The following AEBP2 variants were observed in gnomAD, a reference collection of about 807,000 sequenced individuals.
The protein encoded by AEBP2 is zinc finger protein AEBP2.
Under a neutral mutation model 50.8 loss-of-function variants are expected in AEBP2, and 10 were observed. That is an observed-to-expected ratio of 0.20 (90% CI 0.12 to 0.33). The LOEUF (loss-of-function observed/expected upper bound fraction) is 0.33, where lower values mean the gene tolerates loss of function less well. AEBP2 is among the 10% of genes least tolerant of loss of function. AEBP2 has a pLI of 1.00. For missense variants in AEBP2, 570 were observed against 688.0 expected (o/e 0.83, Z 1.92); for synonymous variants, 296 against 261.3 (o/e 1.13, Z -1.28).
chr12:19,449,768 A>C (rs1290414861), intron 1 of AEBP2, among the ~76,000 whole-genome samples: 1 of 151,958 alleles, frequency 6.6e-6, no homozygotes, highest in Admixed American at 6.6e-5. Flanking sequence ...CTTCCAGTTA[A>C]TTTTTTTTGA....
At chr12:19,486,572 A>G (rs7962833) in intron 3 of AEBP2, among the ~76,000 whole-genome samples, 11,312 of 151,852 alleles carry the variant, frequency 0.074, 493 homozygotes, top group South Asian at 0.2. Context: ...TTGTAGAGAG[A>G]GGGTTTTGCC....
At chr12:19,446,187 C>T (rs1325054446) in intron 1 of AEBP2, 4 of 152,090 alleles carry the variant, frequency 2.6e-5, no homozygotes, top group Non-Finnish European at 4.4e-5. Context: ...GTCTTAAATA[C>T]TAAGACCCAT....
chr12:19,438,310 T>C (rs1947882243), upstream of AEBP2, among the ~76,000 whole-genome samples: 1 of 152,238 alleles, frequency 6.6e-6, no homozygotes, highest in African/African-American at 2.4e-5. Flanking sequence ...ATGCGATTTT[T>C]GGGCATATAA....
chr12:19,498,165 A>T (rs1240523677), intron 4 of AEBP2, among the ~76,000 whole-genome samples: 1 of 152,182 alleles, frequency 6.6e-6, no homozygotes, highest in Non-Finnish European at 1.5e-5. Flanking sequence ...GTGATGAGTT[A>T]TTATTTTCCC....
chr12:19,464,091 A>G (rs1445169745), intron 2 of AEBP2, among the ~76,000 whole-genome samples: 1 of 152,248 alleles, frequency 6.6e-6, no homozygotes, highest in Non-Finnish European at 1.5e-5. Context: ...GTTAATATGT[A>G]TGATGTCTGA....
intron 7 of AEBP2, among the ~76,000 whole-genome samples, chr12:19,516,471 G>T (rs1016796074): frequency 6.6e-6 from 1 of 152,156 alleles, no homozygotes; most frequent in African/African-American, 2.4e-5. Flanking sequence ...TTCTTTCCAA[G>T]AGTCTTGCTT....
At chr12:19,423,661 A>T (rs2095747015) in intron 1 of AEBP2, among the ~76,000 whole-genome samples, 2 of 152,114 alleles carry the variant, frequency 1.3e-5, no homozygotes, top group Admixed American at 1.3e-4. Flanking sequence ...GAAGGGCCAC[A>T]TAGGCTGAGG....
At position 19,521,130 on chromosome 12, in the gene AEBP2, G is replaced by C. The variant is rs545469289; in HGVS notation, c.*3013G>C. On this transcript the variant is annotated 3_prime_UTR_variant, in exon 8 of 8. Coordinates refer to ENST00000266508, the MANE Select transcript of AEBP2 (RefSeq NM_153207.5). ...AAGCATTTCGGATAAGGGATACTCA[G>C]CCTGTCTCTGGTCCTTTAAGAAAAA... 1 of 152,210 alleles carries C rather than the reference G, an allele frequency of 6.6e-6. No individual in the cohort carries two copies. The highest frequency in any genetic ancestry group is 2.4e-5 in the African/African-American group (1 of 41,546). The allele number at this position is 152,210 out of a possible 1,614,324, so 9.4% of individuals were successfully genotyped here. A position where few individuals can be genotyped will look rare whatever the true frequency, so the allele number is the denominator to read the frequency against.
At chr12:19,474,950 G>T (rs1051422704) in intron 3 of AEBP2, among the ~76,000 whole-genome samples, 2 of 152,024 alleles carry the variant, frequency 1.3e-5, no homozygotes, top group East Asian at 3.9e-4. Flanking sequence ...GCGCCATCAC[G>T]CCTGGCGAAT....
At chr12:19,423,400 C>T (rs2095746880) in intron 1 of AEBP2, among the ~76,000 whole-genome samples, 1 of 152,116 alleles carries the variant, frequency 6.6e-6, no homozygotes, top group South Asian at 2.1e-4. Context: ...GTGAAGCTCC[C>T]ATACAAGATG....
intron 3 of AEBP2, among the ~76,000 whole-genome samples, chr12:19,479,821 G>T (rs1205194249): frequency 7.6e-6 from 1 of 131,488 alleles, no homozygotes; most frequent in African/African-American, 2.8e-5. Flanking sequence ...GTTTCTATTT[G>T]CATGGAGTAT....
intron 5 of AEBP2, 91 bp from the exon 6 acceptor site, chr12:19,512,307 A>G (rs934281210): frequency 3.6e-6 from 3 of 829,030 alleles, no homozygotes; most frequent in Non-Finnish European, 5.6e-6. Flanking sequence ...GGCATGAGCC[A>G]TCGCGCCCAG....
chr12:19,439,924 G>A lies in AEBP2; in HGVS notation c.225G>A (p.Gly75=), dbSNP rs1302508376. The A allele has an allele frequency of 4.0e-6, 6 of 1,507,596 alleles. No homozygotes were observed. The highest frequency in any genetic ancestry group is 5.3e-6 in the Non-Finnish European group (6 of 1,135,560). The allele number at this position is 1,507,596 out of a possible 1,614,324, so 93.4% of individuals were successfully genotyped here. Residue 75 remains glycine, a synonymous_variant, in exon 1 of 8, where the codon GGG becomes GGA. Coordinates refer to ENST00000266508, the MANE Select transcript of AEBP2 (RefSeq NM_153207.5). ...GCGGAGGCGGCGGCGGAGGAGTGGG[G>A]GGCGGCGAGGCAGAGACGATGTCGG... ...GGGGGGGGGV[G]GGEAETMSEP... is the part of the protein sequence containing the mutation.
intron 4 of AEBP2, among the ~76,000 whole-genome samples, chr12:19,496,744 C>G (rs980759334): frequency 6.6e-6 from 1 of 151,304 alleles, no homozygotes; most frequent in Non-Finnish European, 1.5e-5. Flanking sequence ...TCACTGCAGC[C>G]TCGACCTCCT....
chr12:19,450,594 C>T (rs1429741093), intron 1 of AEBP2, among the ~76,000 whole-genome samples: 1 of 140,528 alleles, frequency 7.1e-6, no homozygotes. Flanking sequence ...CTTTGGGAGG[C>T]TGAGGAGGGA....
intron 3 of AEBP2, among the ~76,000 whole-genome samples, chr12:19,478,074 T>C (rs1948676360): frequency 6.6e-6 from 1 of 152,246 alleles, no homozygotes; most frequent in African/African-American, 2.4e-5. Flanking sequence ...GATATCGTTC[T>C]TCTTTTCTTG....
At chr12:19,504,553 C>G (rs1420861080) in intron 5 of AEBP2, among the ~76,000 whole-genome samples, 1 of 152,072 alleles carries the variant, frequency 6.6e-6, no homozygotes, top group Non-Finnish European at 1.5e-5. Flanking sequence ...TAGTTGTGTA[C>G]TTTTATTACA....
At chr12:19,440,585 C>A in intron 1 of AEBP2, 1 of 1,452,810 alleles carries the variant, frequency 6.9e-7, no homozygotes, top group Non-Finnish European at 9.1e-7. Flanking sequence ...CCCCCCAACT[C>A]TCCTTTCCCC....
intron 1 of AEBP2, among the ~76,000 whole-genome samples, chr12:19,459,072 G>A (rs373550245): frequency 2.0e-5 from 3 of 152,094 alleles, no homozygotes; most frequent in East Asian, 1.9e-4. Flanking sequence ...GTTATGATTG[G>A]TTGTTCACTT....
Sources: allele counts gnomAD v4.1 joint callset (sites outside exome capture counted in the v4.1 genomes callset), GRCh38; gene constraint gnomAD v4.1.1; transcripts MANE v1.5; gene names NCBI Gene and HGNC (gene_info 2026-07-23, HGNC 2026-07-21).